Variants in MTMR12 observed in about 807,000 individuals in gnomAD.
MTMR12 encodes the protein myotubularin-related protein 12.
In MTMR12, 33 loss-of-function variants were observed where a neutral mutation model predicts 96.7. The observed-to-expected ratio is 0.34, with a 90% confidence interval of 0.26 to 0.46. The LOEUF (loss-of-function observed/expected upper bound fraction) is 0.46, where lower values mean the gene tolerates loss of function less well. MTMR12 is among the 20% of genes least tolerant of loss of function. The probability of loss-of-function intolerance (pLI) is 1.00; values close to 1 mark genes in which losing one functional copy is unlikely to be tolerated. For synonymous variants in MTMR12, 298 were observed against 327.2 expected (o/e 0.91, Z 0.96); for missense variants, 721 against 896.1 (o/e 0.80, Z 2.49).
rs1290219365 is a variant in MTMR12, at chr5:32,229,397, G to A, written c.*381C>T. 1.2e-4 allele frequency: 20 copies of A among 166,790 alleles called. No individual in the cohort carries two copies. Among genetic ancestry groups the A allele is most frequent in the Non-Finnish European group, 1.3e-5 (1 of 78,026 alleles). The allele number at this position is 166,790 out of a possible 1,614,324, so 10.3% of individuals were successfully genotyped here. On this transcript the variant is annotated 3_prime_UTR_variant, in exon 16 of 16. Transcript: ENST00000382142. ...TACACAGAAACTTACTATTCCCAAT[G>A]ACTGGATAAATTATCTTGGCACAAA...
At position 32,233,595 on chromosome 5, in the gene MTMR12, A is replaced by G. The variant is rs1337336892; in HGVS notation, c.1674+178T>C. On this transcript the variant is annotated intron_variant, in intron 15 of 15. Coordinates refer to ENST00000382142, the MANE Select transcript of MTMR12 (RefSeq NM_001040446.3). This position sits in a 1 kb window ranked among gnomAD's most constrained non-coding sequence, Gnocchi z 5.0. ...GCCCTGTTGTACCAGGGCAAAGGTG[A>G]TTTGCTGAAAGCAAAGGATTCTAAT... 6.6e-6 allele frequency among the ~76,000 whole-genome samples: 1 copy of G among 152,114 alleles called. No individual in the cohort carries two copies. Among genetic ancestry groups the G allele is most frequent in the Non-Finnish European group, 1.5e-5 (1 of 68,034 alleles).
intron 1 of MTMR12, among the ~76,000 whole-genome samples, chr5:32,296,947 C>CA (rs1750952613): frequency 6.6e-6 from 1 of 151,422 alleles, no homozygotes; most frequent in Non-Finnish European, 1.5e-5. Flanking sequence ...CTAAAAAATA[C>CA]AAAAAATTAG....
At chr5:32,260,312 G>A (rs987433026) in intron 7 of MTMR12, among the ~76,000 whole-genome samples, 17 of 151,612 alleles carry the variant, frequency 1.1e-4, no homozygotes, top group Non-Finnish European at 2.9e-5. Flanking sequence ...TGCATGTGGA[G>A]TAGCCTGCTT....
At chr5:32,293,039 G>T (rs1750793620) in intron 1 of MTMR12, among the ~76,000 whole-genome samples, 1 of 152,202 alleles carries the variant, frequency 6.6e-6, no homozygotes, top group African/African-American at 2.4e-5. Context: ...TTGGGGATTG[G>T]TGAGTTTCCA....
At chr5:32,231,990 A>C (rs1748015152) in intron 15 of MTMR12, among the ~76,000 whole-genome samples, 1 of 152,244 alleles carries the variant, frequency 6.6e-6, no homozygotes, top group African/African-American at 2.4e-5. Context: ...AGGTGGTTCA[A>C]ATAGTCTGGC....
In MTMR12 at chr5:32,279,631, C is replaced by G. The variant is rs146668379; in HGVS notation, c.82-2889G>C. Among the ~76,000 whole-genome samples, 768 of 152,322 alleles carry G rather than the reference C, an allele frequency of 5.0e-3. 9 individuals carry two copies. Among genetic ancestry groups the G allele is most frequent in the African/African-American group, 0.017 (704 of 41,566 alleles). On this transcript the variant is annotated intron_variant, in intron 1 of 15. Transcript: ENST00000382142. ...AAATTCCGTTAGGAGAACTACTTCA[C>G]ATTCAAGGATCTGCCACACACAGCA...
chr5:32,267,315 G>A (rs1749639181), intron 6 of MTMR12, among the ~76,000 whole-genome samples: 1 of 149,724 alleles, frequency 6.7e-6, no homozygotes, highest in African/African-American at 2.5e-5. Context: ...GGTGGAGGTT[G>A]CAGTGAGCCA....
intron 10 of MTMR12, among the ~76,000 whole-genome samples, chr5:32,244,700 G>C (rs992139747): frequency 6.6e-6 from 1 of 152,198 alleles, no homozygotes; most frequent in Non-Finnish European, 1.5e-5. Flanking sequence ...TGATTAAATA[G>C]TAAACATGTA....
chr5:32,251,277 C>G (rs1005186774), intron 8 of MTMR12, among the ~76,000 whole-genome samples: 2 of 151,794 alleles, frequency 1.3e-5, no homozygotes, highest in South Asian at 4.2e-4. Flanking sequence ...GTGATCCGCC[C>G]GCCTCGGCCT....
At chr5:32,296,066 G>A (rs1750910176) in intron 1 of MTMR12, among the ~76,000 whole-genome samples, 1 of 152,180 alleles carries the variant, frequency 6.6e-6, no homozygotes, top group Non-Finnish European at 1.5e-5. Flanking sequence ...GGCTGAGGCA[G>A]GAGAATTGCT....
chr5:32,232,554 T>A (rs1324586180), intron 15 of MTMR12, among the ~76,000 whole-genome samples: 2 of 152,232 alleles, frequency 1.3e-5, no homozygotes, highest in Non-Finnish European at 2.9e-5. Flanking sequence ...TCGCTGTCTC[T>A]GAGGTCCCCT....
Position 32,270,668 on chromosome 5 carries a change from G to C in MTMR12, c.489+149C>G, listed in dbSNP as rs116024405. ...CATGCTTTATCAAATTACTTTTCACGTTCTAATCAAAGAATATGGGATTAC... is the reference window on the plus strand; with the variant it reads ...CATGCTTTATCAAATTACTTTTCACCTTCTAATCAAAGAATATGGGATTAC... On this transcript the variant is annotated intron_variant, in intron 5 of 15. Transcript: ENST00000382142. 3.7e-6 allele frequency: 3 copies of C among 819,054 alleles called. No individual in the cohort carries two copies. In the African/African-American group the frequency reaches 5.2e-5, roughly 14 times the overall value. The allele number at this position is 819,054 out of a possible 1,614,324, so 50.7% of individuals were successfully genotyped here.
chr5:32,234,853 T>C, intron 14 of MTMR12, 109 bp downstream of exon 14: 1 of 1,052,770 alleles, frequency 9.5e-7, no homozygotes, highest in Non-Finnish European at 1.4e-6. Flanking sequence ...CTTTGTTTAG[T>C]GTATGTGCTG....
intron 1 of MTMR12, among the ~76,000 whole-genome samples, chr5:32,309,279 T>G (rs1028985929): frequency 1.3e-5 from 2 of 152,132 alleles, no homozygotes; most frequent in Non-Finnish European, 2.9e-5. Context: ...AGTTTAAAGA[T>G]CAGTTGCACT....
chr5:32,296,564 G>A, intron 1 of MTMR12: 1 of 261,088 alleles, frequency 3.8e-6, no homozygotes, highest in Non-Finnish European at 8.5e-6. Context: ...CTTTGGAAGG[G>A]TGAGGTGGTG....
At chr5:32,248,641 A>G in intron 9 of MTMR12, 131 bp downstream of exon 9, 1 of 650,030 alleles carries the variant, frequency 1.5e-6, no homozygotes, top group Non-Finnish European at 2.7e-6. Context: ...CAAAATGATC[A>G]CTGTTAAGTT....
At chr5:32,288,492 G>C (rs560043902) in intron 1 of MTMR12, among the ~76,000 whole-genome samples, 14 of 152,312 alleles carry the variant, frequency 9.2e-5, no homozygotes, top group African/African-American at 2.9e-4. Flanking sequence ...GTCCCAGCAG[G>C]TGAGGTGAGG....
At chr5:32,252,944 A>T (rs1430204986) in intron 8 of MTMR12, among the ~76,000 whole-genome samples, 4 of 152,360 alleles carry the variant, frequency 2.6e-5, no homozygotes, top group African/African-American at 9.6e-5. Flanking sequence ...GGGCTTACGG[A>T]CACTCACATC....
At chr5:32,243,746 A>C (rs1748566884) in intron 10 of MTMR12, 147 bp from the exon 11 acceptor site, 1 of 578,062 alleles carries the variant, frequency 1.7e-6, no homozygotes, top group African/African-American at 1.9e-5. Context: ...ATTTTGAGTA[A>C]GGGTCATTTC....
Sources: gnomAD v4.1 joint callset for allele counts (sites outside exome capture counted in the v4.1 genomes callset) on GRCh38, gnomAD v4.1.1 for gene constraint, Gnocchi (gnomAD v3.1) non-coding constraint, MANE v1.5 for transcripts, NCBI Gene and HGNC (gene_info 2026-07-23, HGNC 2026-07-21) for gene names.